Variants in GAL3ST2 observed in about 807,000 individuals in gnomAD.
GAL3ST2 encodes the protein galactose-3-O-sulfotransferase 2.
GAL3ST2 carries 16 observed loss-of-function variants against 12.9 expected under a neutral mutation model. The observed-to-expected ratio is 1.24, with a 90% CI of 0.84 to 1.88. The LOEUF is 1.88. Among genes scored for constraint, GAL3ST2 ranks in the 40% most tolerant of loss-of-function variants. The pLI is 0.00. For synonymous variants in GAL3ST2, 302 were observed against 273.9 expected, an observed-to-expected ratio of 1.10 and a Z score of -1.01; for missense variants, 639 against 571.8, an observed-to-expected ratio of 1.12 and a Z score of -1.20.
chr2:241,782,189 T>C (rs1024435979), intron 1 of GAL3ST2, among the ~76,000 whole-genome samples: 7 of 152,222 alleles, frequency 4.6e-5, no homozygotes, highest in Non-Finnish European at 1.0e-4. Context: ...GTCTTTGACG[T>C]TAATGATTAA....
chr2:241,779,170 A>G (rs1416922729), intron 1 of GAL3ST2, among the ~76,000 whole-genome samples: 2 of 133,658 alleles, frequency 1.5e-5, no homozygotes, highest in Admixed American at 7.5e-5. Context: ...TGGCTAGGAT[A>G]GTTTATTTCT....
At position 241,802,105 on chromosome 2, in the gene GAL3ST2, A is replaced by C; in HGVS notation, c.375+69A>C. 6.6e-7 allele frequency: 1 copy of C among 1,512,290 alleles called. No homozygotes were observed. The highest frequency in any genetic ancestry group is 1.3e-5 in the South Asian group (1 of 78,628). 93.7% of individuals were successfully genotyped at this position (1,512,290 alleles called of 1,614,324 possible). On this transcript the variant is annotated intron_variant, in intron 3 of 3. Transcript: ENST00000192314. This position sits in a 1 kb window ranked among gnomAD's most constrained non-coding sequence, Gnocchi z 4.8. ...CTGTGGCTGTGGGTCTGGGTGGTGT[A>C]GCCTGGAGGCTGGAGAGAAGGAGTG...
Position 241,793,457 on chromosome 2 carries a change from CGTGT to C in GAL3ST2, c.30-5605_30-5602del, listed in dbSNP as rs112805081. ...TACGTGTATGTATGTACTGTGTATG[CGTGT>C]GTATGTGTATGCATGTGTATTATAT... On this transcript the variant is annotated intron_variant, in intron 1 of 3. Transcript: ENST00000192314. The surrounding 1 kb of genome is among the most constrained non-coding windows in gnomAD (Gnocchi z 4.7). Among the ~76,000 whole-genome samples, 1,187 of 147,574 alleles carry C rather than the reference CGTGT, an allele frequency of 8.0e-3. 27 individuals carry two copies. Among genetic ancestry groups the C allele is most frequent in the African/African-American group, 0.028 (1,089 of 38,630 alleles).
At position 241,793,697 on chromosome 2, in the gene GAL3ST2, GTGTA is replaced by G. The variant is rs938044453; in HGVS notation, c.30-5363_30-5360del. Reference sequence around the variant, plus strand: ...ACATATTGTGTATGTGTGTGTATATGTGTATGTACGTATTGTGTATGCATGTGTG... The same window carrying G: ...ACATATTGTGTATGTGTGTGTATATGTGTACGTATTGTGTATGCATGTGTG... On this transcript the variant is annotated intron_variant, in intron 1 of 3. Coordinates refer to ENST00000192314, the MANE Select transcript of GAL3ST2 (RefSeq NM_022134.3). This position sits in a 1 kb window ranked among gnomAD's most constrained non-coding sequence, Gnocchi z 4.7. Among the ~76,000 whole-genome samples, 12 of 151,742 alleles carry G rather than the reference GTGTA, an allele frequency of 7.9e-5. No homozygotes were observed. The highest frequency in any genetic ancestry group is 1.5e-4 in the Non-Finnish European group (10 of 67,896).
At chr2:241,797,736 C>T (rs976553480) in intron 1 of GAL3ST2, among the ~76,000 whole-genome samples, 7 of 152,178 alleles carry the variant, frequency 4.6e-5, no homozygotes, top group Non-Finnish European at 8.8e-5. Context: ...TGAAGAGTGA[C>T]GTTGCACTGG....
At position 241,793,443 on chromosome 2, in the gene GAL3ST2, A is replaced by G. The variant is rs943289430; in HGVS notation, c.30-5622A>G. The stretch of plus-strand genomic sequence containing the variant: ...GTGTGTATATTGTGTACGTGTATGT[A>G]TGTACTGTGTATGCGTGTGTATGTG... On this transcript the variant is annotated intron_variant, in intron 1 of 3. Transcript: ENST00000192314. This position sits in a 1 kb window ranked among gnomAD's most constrained non-coding sequence, Gnocchi z 4.7. Among the ~76,000 whole-genome samples the G allele has an allele frequency of 6.7e-6, 1 of 150,194 alleles. No individual in the cohort carries two copies. The highest frequency in any genetic ancestry group is 2.5e-5 in the African/African-American group (1 of 40,054).
chr2:241,800,051 G>C lies in GAL3ST2; in HGVS notation c.119+897G>C, dbSNP rs1699821851. ...AAAGCCAGCTGCATGTGCGTGCCTGGGCACCAGGGAGAAGGCTGGGGTGAT... is the reference window on the plus strand; with the variant it reads ...AAAGCCAGCTGCATGTGCGTGCCTGCGCACCAGGGAGAAGGCTGGGGTGAT... On this transcript the variant is annotated intron_variant, in intron 2 of 3. Transcript: ENST00000192314. The surrounding 1 kb of genome is among the most constrained non-coding windows in gnomAD (Gnocchi z 5.2). Among the ~76,000 whole-genome samples, 1 of 152,236 alleles carries C rather than the reference G, an allele frequency of 6.6e-6. No homozygotes were observed. Among genetic ancestry groups the C allele is most frequent in the Admixed American group, 6.5e-5 (1 of 15,282 alleles).
intron 1 of GAL3ST2, among the ~76,000 whole-genome samples, chr2:241,780,487 C>A (rs1472041223): frequency 6.6e-6 from 1 of 152,190 alleles, no homozygotes; most frequent in Non-Finnish European, 1.5e-5. Context: ...CCACTGGACT[C>A]CAGCCTGGGT....
intron 1 of GAL3ST2, among the ~76,000 whole-genome samples, chr2:241,796,117 T>C (rs1447635465): frequency 6.6e-6 from 1 of 152,098 alleles, no homozygotes; most frequent in Admixed American, 6.5e-5. Flanking sequence ...ACACCCTTGG[T>C]GTGGAAGAAA....
rs1416912343 is a variant in GAL3ST2, at chr2:241,793,531, T to G, written c.30-5534T>G. Among the ~76,000 whole-genome samples the G allele has an allele frequency of 7.3e-6, 1 of 137,138 alleles. No homozygotes were observed. Among genetic ancestry groups the G allele is most frequent in the Non-Finnish European group, 1.5e-5 (1 of 65,730 alleles). 90.0% of individuals were successfully genotyped at this position (137,138 alleles called of 152,430 possible). A position where few individuals can be genotyped will look rare whatever the true frequency, so the allele number is the denominator to read the frequency against. The stretch of plus-strand genomic sequence containing the variant: ...GTGTATATGTATGTGTGTATTGTGT[T>G]TATATGTATGTGTGTATATGTATGT... On this transcript the variant is annotated intron_variant, in intron 1 of 3. Transcript: ENST00000192314. This position sits in a 1 kb window ranked among gnomAD's most constrained non-coding sequence, Gnocchi z 4.7.
intron 1 of GAL3ST2, among the ~76,000 whole-genome samples, chr2:241,787,183 T>C (rs1304779719): frequency 6.6e-6 from 1 of 152,192 alleles, no homozygotes; most frequent in Non-Finnish European, 1.5e-5. Flanking sequence ...GATTGATGTC[T>C]CATGTCGCCC....
At chr2:241,777,712 C>A (rs186087083) in intron 1 of GAL3ST2, among the ~76,000 whole-genome samples, 82 of 152,294 alleles carry the variant, frequency 5.4e-4, no homozygotes, top group African/African-American at 1.9e-3. Context: ...GCTGAGGACA[C>A]CCCGTCACAG....
In GAL3ST2 at chr2:241,802,862, G is replaced by C. The variant is rs1699871611; in HGVS notation, c.376-483G>C. 6.6e-6 allele frequency among the ~76,000 whole-genome samples: 1 copy of C among 152,150 alleles called. No homozygotes were observed. Among genetic ancestry groups the C allele is most frequent in the African/African-American group, 2.4e-5 (1 of 41,436 alleles). On this transcript the variant is annotated intron_variant, in intron 3 of 3. Transcript: ENST00000192314. This position sits in a 1 kb window ranked among gnomAD's most constrained non-coding sequence, Gnocchi z 4.8. ...CAGACCCACCCTGTGGGGAACCTGGGTCACGGACCTTCTCTGGGCCTCAGT... is the reference window on the plus strand; with the variant it reads ...CAGACCCACCCTGTGGGGAACCTGGCTCACGGACCTTCTCTGGGCCTCAGT...
chr2:241,785,552 CAAAA>C (rs80247515), intron 1 of GAL3ST2, among the ~76,000 whole-genome samples: 1,501 of 72,830 alleles, frequency 0.021, 30 homozygotes, highest in African/African-American at 0.071. Context: ...AACTCCGTCT[CAAAA>C]AAAAAAAAAA....
rs889228194 is a variant in GAL3ST2 at position 241,793,586 on chromosome 2, T to C, written c.30-5479T>C. Among the ~76,000 whole-genome samples the C allele has an allele frequency of 6.7e-5, 10 of 149,992 alleles. No homozygotes were observed. Among genetic ancestry groups the C allele is most frequent in the Non-Finnish European group, 1.3e-4 (9 of 67,952 alleles). On this transcript the variant is annotated intron_variant, in intron 1 of 3. Transcript: ENST00000192314. This position sits in a 1 kb window ranked among gnomAD's most constrained non-coding sequence, Gnocchi z 4.7. The stretch of plus-strand genomic sequence containing the variant: ...GTATATGTGTGCGTATATGTGTATG[T>C]ATGTATATGTGTATATGTGTGTGTA...
rs1276563481 is a variant in GAL3ST2, at chr2:241,802,228, T to A, written c.375+192T>A. On this transcript the variant is annotated intron_variant, in intron 3 of 3. Transcript: ENST00000192314. This position sits in a 1 kb window ranked among gnomAD's most constrained non-coding sequence, Gnocchi z 4.8. ...CTGCCCCTCCAGGCGGCCAGTCGCC[T>A]GCCGTTGCTCTTGGAATGAGACCTG... is the stretch of plus-strand genomic sequence containing the variant. Among the ~76,000 whole-genome samples, 1 of 152,152 alleles carries A rather than the reference T, an allele frequency of 6.6e-6. No homozygotes were observed. The highest frequency in any genetic ancestry group is 1.5e-5 in the Non-Finnish European group (1 of 68,016).
Position 241,795,588 on chromosome 2 carries a change from T to G in GAL3ST2, c.30-3477T>G, listed in dbSNP as rs1699763197. On this transcript the variant is annotated intron_variant, in intron 1 of 3. Transcript: ENST00000192314. The surrounding 1 kb of genome is among the most constrained non-coding windows in gnomAD (Gnocchi z 4.5). ...TCCTGCGTGGGCCTTATCAGTGAGT[T>G]AATCTCTAACTGTGCGGAGCCGTAA... Among the ~76,000 whole-genome samples, 1 of 152,168 alleles carries G rather than the reference T, an allele frequency of 6.6e-6. No individual in the cohort carries two copies. The highest frequency in any genetic ancestry group is 1.5e-5 in the Non-Finnish European group (1 of 68,022).
intron 1 of GAL3ST2, among the ~76,000 whole-genome samples, chr2:241,781,576 A>G (rs1017037907): frequency 6.6e-6 from 1 of 152,068 alleles, no homozygotes; most frequent in Non-Finnish European, 1.5e-5. Flanking sequence ...GTATAATTTA[A>G]CATAAGAATT....
At chr2:241,794,677 A>G (rs1699749129) in intron 1 of GAL3ST2, among the ~76,000 whole-genome samples, 1 of 152,024 alleles carries the variant, frequency 6.6e-6, no homozygotes, top group African/African-American at 2.4e-5. Flanking sequence ...CGACTGAGCT[A>G]CTCTGGCAAC....
Sources: gnomAD v4.1 joint callset for allele counts (sites outside exome capture counted in the v4.1 genomes callset) on GRCh38, gnomAD v4.1.1 for gene constraint, Gnocchi (gnomAD v3.1) non-coding constraint, MANE v1.5 for transcripts, NCBI Gene and HGNC (gene_info 2026-07-23, HGNC 2026-07-21) for gene names.